The following NLGN1 variants were observed in gnomAD, a reference collection of about 807,000 sequenced individuals.
NLGN1 encodes neuroligin-1.
In NLGN1, 12 loss-of-function variants were observed where a neutral mutation model predicts 65.5. The observed-to-expected ratio is 0.18, with a 90% confidence interval of 0.12 to 0.30. The LOEUF is 0.30. Among genes scored for constraint, NLGN1 ranks in the 10% least tolerant of loss-of-function variants. The pLI, the probability that NLGN1 is intolerant of heterozygous loss-of-function variation, is 1.00. For missense variants in NLGN1, 750 were observed against 1,007.1 expected, an observed-to-expected ratio of 0.74 and a Z score of 3.46; for synonymous variants, 350 against 359.5, an observed-to-expected ratio of 0.97 and a Z score of 0.30.
At chr3:173,480,661 A>G (rs1051161735) in intron 2 of NLGN1, among the ~76,000 whole-genome samples, 1 of 152,128 alleles carries the variant, frequency 6.6e-6, no homozygotes, top group Non-Finnish European at 1.5e-5. Context: ...TAATTAATCA[A>G]TAGGAAATCT....
chr3:173,726,064 G>A (rs887785242), intron 3 of NLGN1, among the ~76,000 whole-genome samples: 3 of 151,998 alleles, frequency 2.0e-5, no homozygotes, highest in African/African-American at 7.2e-5. Context: ...CTTTGTCATA[G>A]AACATAACTT....
chr3:173,944,498 T>A (rs11926085), intron 4 of NLGN1, among the ~76,000 whole-genome samples: 44,327 of 151,762 alleles, frequency 0.29, 6,940 homozygotes, highest in African/African-American at 0.38. Context: ...CTGGATGAAA[T>A]GTTACCAGTC....
At chr3:173,925,164 T>A (rs181650708) in intron 4 of NLGN1, among the ~76,000 whole-genome samples, 3 of 152,274 alleles carry the variant, frequency 2.0e-5, no homozygotes, top group African/African-American at 7.2e-5. Context: ...CCACTTAGTG[T>A]ACTAGAAATT....
chr3:173,787,959 G>A (rs1441955425), intron 3 of NLGN1, among the ~76,000 whole-genome samples: 1 of 152,078 alleles, frequency 6.6e-6, no homozygotes, highest in Non-Finnish European at 1.5e-5. Context: ...GTAATAAAAT[G>A]AGTAAAAATA....
At chr3:174,227,668 G>T (rs922162712) in intron 4 of NLGN1, among the ~76,000 whole-genome samples, 1 of 151,944 alleles carries the variant, frequency 6.6e-6, no homozygotes, top group Admixed American at 6.6e-5. Context: ...GTGATCAAAA[G>T]AGGCAAAGAA....
chr3:173,669,261 T>C (rs1172367131), intron 3 of NLGN1, among the ~76,000 whole-genome samples: 1 of 152,356 alleles, frequency 6.6e-6, no homozygotes, highest in Non-Finnish European at 1.5e-5. Context: ...TTGTTTTATA[T>C]TGTTTCTATT....
intron 4 of NLGN1, among the ~76,000 whole-genome samples, chr3:174,206,290 CAG>C (rs1288443009): frequency 1.3e-5 from 2 of 152,130 alleles, no homozygotes; most frequent in Non-Finnish European, 2.9e-5. Context: ...CATGCAGTGA[CAG>C]GGGCGAAATC....
chr3:173,933,784 T>C (rs1744559471), intron 4 of NLGN1, among the ~76,000 whole-genome samples: 1 of 152,168 alleles, frequency 6.6e-6, no homozygotes, highest in Admixed American at 6.6e-5. Context: ...ATTTCTTTGT[T>C]CTGAATAACA....
intron 2 of NLGN1, among the ~76,000 whole-genome samples, chr3:173,549,353 T>C (rs1309540192): frequency 1.3e-5 from 2 of 152,054 alleles, no homozygotes; most frequent in Non-Finnish European, 2.9e-5. Context: ...TTTTATTCTT[T>C]TGGTTTTTTA....
intron 3 of NLGN1, among the ~76,000 whole-genome samples, chr3:173,624,976 A>T (rs1405840447): frequency 6.6e-6 from 1 of 152,074 alleles, no homozygotes; most frequent in African/African-American, 2.4e-5. Context: ...GATTTCATCC[A>T]TGTCAGTCTG....
At chr3:174,240,614 G>A (rs1175662044) in intron 4 of NLGN1, among the ~76,000 whole-genome samples, 1 of 152,170 alleles carries the variant, frequency 6.6e-6, no homozygotes, top group Non-Finnish European at 1.5e-5. Flanking sequence ...CAGTCTCTCT[G>A]CAACTGTATT....
chr3:173,851,837 C>G (rs1180633452), intron 4 of NLGN1, among the ~76,000 whole-genome samples: 2 of 152,150 alleles, frequency 1.3e-5, no homozygotes, highest in East Asian at 3.9e-4. Flanking sequence ...ATAACATATT[C>G]ATGTTAAATG....
At chr3:173,814,601 A>G (rs1262666542) in intron 4 of NLGN1, among the ~76,000 whole-genome samples, 2 of 152,172 alleles carry the variant, frequency 1.3e-5, no homozygotes, top group Non-Finnish European at 2.9e-5. Flanking sequence ...TGTGTCAATT[A>G]TTGTGGATGT....
intron 3 of NLGN1, among the ~76,000 whole-genome samples, chr3:173,652,397 C>T (rs541042925): frequency 3.3e-4 from 50 of 152,132 alleles, no homozygotes; most frequent in African/African-American, 1.2e-4. Flanking sequence ...TTGATAGTTT[C>T]GGGTCTTACA....
At chr3:174,012,792 T>C (rs1028259497) in intron 4 of NLGN1, among the ~76,000 whole-genome samples, 2 of 152,192 alleles carry the variant, frequency 1.3e-5, no homozygotes, top group African/African-American at 4.8e-5. Context: ...CCTTGTCATA[T>C]ATATATAATA....
At chr3:173,494,081 C>T (rs1576964145) in intron 2 of NLGN1, among the ~76,000 whole-genome samples, 2 of 150,688 alleles carry the variant, frequency 1.3e-5, no homozygotes, top group East Asian at 2.0e-4. Context: ...CCTGTTTTTC[C>T]CATTCCTTCA....
chr3:173,641,006 A>T (rs560755379), intron 3 of NLGN1, among the ~76,000 whole-genome samples: 1 of 152,114 alleles, frequency 6.6e-6, no homozygotes, highest in Non-Finnish European at 1.5e-5. Flanking sequence ...TTTTCTCTTC[A>T]TGATTAATAA....
At chr3:173,491,252 A>C (rs947297550) in intron 2 of NLGN1, among the ~76,000 whole-genome samples, 1 of 151,764 alleles carries the variant, frequency 6.6e-6, no homozygotes, top group Non-Finnish European at 1.5e-5. Context: ...AGCTCTTATT[A>C]TTTTGAGATA....
intron 4 of NLGN1, among the ~76,000 whole-genome samples, chr3:174,106,419 T>C (rs1713815800): frequency 6.6e-6 from 1 of 152,128 alleles, no homozygotes; most frequent in African/African-American, 2.4e-5. Context: ...CAACCACCCA[T>C]GGTCAGGCTT....
Sources: gnomAD v4.1 joint callset for allele counts (sites outside exome capture counted in the v4.1 genomes callset) on GRCh38, gnomAD v4.1.1 for gene constraint, MANE v1.5 for transcripts, NCBI Gene and HGNC (gene_info 2026-07-23, HGNC 2026-07-21) for gene names.